The following DOCK5 variants were observed in gnomAD, a reference collection of about 807,000 sequenced individuals.
DOCK5 encodes dedicator of cytokinesis protein 5.
In DOCK5, 142 loss-of-function variants were observed where a neutral mutation model predicts 251.8. The observed-to-expected ratio is 0.56, with a 90% CI of 0.49 to 0.65. DOCK5 has a LOEUF of 0.65. DOCK5 is among the 30% of genes least tolerant of loss of function. DOCK5 has a pLI of 0.00. For missense variants in DOCK5, 2,111 were observed against 2,312.3 expected (o/e 0.91, Z 1.79); for synonymous variants, 842 against 835.5 (o/e 1.01, Z -0.13).
In DOCK5 at chr8:25,340,963, C is replaced by T; in HGVS notation, c.2414C>T (p.Pro805Leu). The stretch of plus-strand genomic sequence containing the variant: ...GCTTTCAATATGCTGATGGACAGGC[C>T]TCTGGAGGAAGCCGTCAAGATCAAG... The part of the protein sequence containing the change: ...FLAFNMLMDR[P>L]LEEAVKIKGA... The change falls in exon 23 of 52, where the codon CCT becomes CTT. Residue 805 changes from proline (P) to leucine (L), a missense_variant. By Grantham distance (98) the Pro-to-Leu change is moderately conservative (BLOSUM62 -3). This residue lies in a region of DOCK5 where 1,717 missense variants were observed against 1,892.4 expected (regional missense o/e 0.91). Transcript: ENST00000276440. 4 of 1,612,804 alleles carry T rather than the reference C, an allele frequency of 2.5e-6. No homozygotes were observed. The highest frequency in any genetic ancestry group is 3.4e-6 in the Non-Finnish European group (4 of 1,179,414).
intron 1 of DOCK5, among the ~76,000 whole-genome samples, chr8:25,209,099 G>A (rs1164947228): frequency 2.6e-5 from 4 of 152,186 alleles, no homozygotes; most frequent in Non-Finnish European, 5.9e-5. Context: ...AGGGCATCTG[G>A]TGAGGGAGGG....
intron 1 of DOCK5, among the ~76,000 whole-genome samples, chr8:25,187,233 A>G (rs183025024): frequency 0.014 from 1,854 of 127,924 alleles, 39 homozygotes; most frequent in African/African-American, 0.058. Context: ...ATATATACGT[A>G]TATATATATA....
chr8:25,238,643 C>G (rs1802861086), intron 1 of DOCK5, among the ~76,000 whole-genome samples: 1 of 152,128 alleles, frequency 6.6e-6, no homozygotes, highest in African/African-American at 2.4e-5. Context: ...TGTGATAAAC[C>G]AAATGGATGG....
intron 22 of DOCK5, among the ~76,000 whole-genome samples, chr8:25,340,183 C>A (rs1805918376): frequency 6.6e-6 from 1 of 152,168 alleles, no homozygotes; most frequent in South Asian, 2.1e-4. Flanking sequence ...ACTTTGGGGA[C>A]TACATTGCAA....
At chr8:25,326,503 C>T (rs17053395) in intron 18 of DOCK5, among the ~76,000 whole-genome samples, 3,493 of 152,160 alleles carry the variant, frequency 0.023, 56 homozygotes, top group South Asian at 0.075. Context: ...AGGGCTAATC[C>T]GTATGTGCAA....
chr8:25,221,630 A>G (rs1802393590), intron 1 of DOCK5, among the ~76,000 whole-genome samples: 1 of 151,384 alleles, frequency 6.6e-6, no homozygotes, highest in Admixed American at 6.6e-5. Context: ...CTTAAATTCC[A>G]CTTCTGCTAC....
At chr8:25,242,611 A>G (rs1802984108) in intron 1 of DOCK5, among the ~76,000 whole-genome samples, 1 of 152,252 alleles carries the variant, frequency 6.6e-6, no homozygotes, top group South Asian at 2.1e-4. Context: ...CTATTCATAC[A>G]TAATTTTTGG....
chr8:25,264,976 A>G (rs1031155166), intron 2 of DOCK5, among the ~76,000 whole-genome samples: 4 of 152,060 alleles, frequency 2.6e-5, no homozygotes, highest in African/African-American at 9.7e-5. Context: ...ACACATTAGC[A>G]TCACCATCTC....
chr8:25,323,882 C>T lies in DOCK5; in HGVS notation c.1650C>T (p.Ala550=), dbSNP rs1257927220. 1 of 1,613,542 alleles carries T rather than the reference C, an allele frequency of 6.2e-7. No homozygotes were observed. Residue 550 remains alanine (A), a synonymous_variant, in exon 17 of 52, where the codon GCC becomes GCT. Transcript: ENST00000276440. The part of the protein sequence containing the change: ...RDKSERAFGV[A]FVKLMNPDGT... ...AATCGGAGCGAGCATTTGGGGTGGC[C>T]TTCGTGAAGCTGATGAACCCGGATG...
At chr8:25,260,350 G>A (rs11987401) in intron 2 of DOCK5, among the ~76,000 whole-genome samples, 26,328 of 149,326 alleles carry the variant, frequency 0.18, 2,628 homozygotes, top group Admixed American at 0.25. Flanking sequence ...CTGGGGTGCC[G>A]CCCACCCCCG....
intron 34 of DOCK5, among the ~76,000 whole-genome samples, chr8:25,370,424 A>T (rs1003748468): frequency 7.9e-5 from 12 of 152,226 alleles, no homozygotes; most frequent in Admixed American, 5.2e-4. Flanking sequence ...ATGATGTGCT[A>T]ACATAGCATC....
chr8:25,317,097 T>C lies in DOCK5; in HGVS notation c.1409T>C (p.Met470Thr), dbSNP rs1434738203. ...KKTPKNVEVTMSVHDEEGKLL... is the reference protein window; with the variant it reads ...KKTPKNVEVTTSVHDEEGKLL... ...ACGCCAAAGAATGTGGAGGTGACGA[T>C]GTCTGTGCACGATGAGGAGGGCAAG... The change falls in exon 14 of 52, where the codon ATG becomes ACG. Residue 470 changes from methionine (M) to threonine (T), a missense_variant. By Grantham distance (81) the Met-to-Thr change is moderately conservative (BLOSUM62 -1). Coordinates refer to ENST00000276440, the MANE Select transcript of DOCK5 (RefSeq NM_024940.8). 2 of 1,613,916 alleles carry C rather than the reference T, an allele frequency of 1.2e-6. No homozygotes were observed. Among genetic ancestry groups the C allele is most frequent in the Admixed American group, 1.7e-5 (1 of 60,016 alleles).
chr8:25,284,293 A>T (rs1707012049), intron 5 of DOCK5, among the ~76,000 whole-genome samples: 1 of 152,214 alleles, frequency 6.6e-6, no homozygotes, highest in Admixed American at 6.5e-5. Flanking sequence ...TGTGGTCAAT[A>T]CATGACAGCC....
intron 1 of DOCK5, among the ~76,000 whole-genome samples, chr8:25,190,233 C>G (rs1231925152): frequency 6.6e-6 from 1 of 152,124 alleles, no homozygotes; most frequent in African/African-American, 2.4e-5. Context: ...TTCCAAGTCA[C>G]TGTAGAAATA....
chr8:25,355,512 C>G (rs1011571033), intron 27 of DOCK5, among the ~76,000 whole-genome samples: 1 of 152,118 alleles, frequency 6.6e-6, no homozygotes, highest in East Asian at 1.9e-4. Context: ...TGCAGGGGTG[C>G]TATCTCGGCT....
chr8:25,332,441 C>A, intron 19 of DOCK5, 93 bp downstream of exon 19: 1 of 1,222,636 alleles, frequency 8.2e-7, no homozygotes, highest in Non-Finnish European at 1.1e-6. Context: ...AAAATTAAAT[C>A]ATTCATTGTA....
At chr8:25,325,744 C>T (rs1342315691) in intron 18 of DOCK5, among the ~76,000 whole-genome samples, 197 bp downstream of exon 18, 6 of 152,194 alleles carry the variant, frequency 3.9e-5, no homozygotes, top group Non-Finnish European at 7.3e-5. Context: ...TCTGAAGTTT[C>T]ATCGTCCACT....
intron 1 of DOCK5, among the ~76,000 whole-genome samples, chr8:25,220,336 A>C (rs1173915472): frequency 6.6e-6 from 1 of 152,158 alleles, no homozygotes; most frequent in Non-Finnish European, 1.5e-5. Flanking sequence ...ATGGCTAGGC[A>C]TGTTGACGGG....
chr8:25,221,655 A>G (rs1456662290), intron 1 of DOCK5, among the ~76,000 whole-genome samples: 1 of 150,638 alleles, frequency 6.6e-6, no homozygotes, highest in East Asian at 1.9e-4. Flanking sequence ...CATCATCATC[A>G]TCTCCATCAC....
Sources: gnomAD v4.1 joint callset for allele counts (sites outside exome capture counted in the v4.1 genomes callset) on GRCh38, gnomAD v4.1.1 for gene constraint, gnomAD v4.1.1 regional missense constraint, MANE v1.5 for transcripts, NCBI Gene and HGNC (gene_info 2026-07-23, HGNC 2026-07-21) for gene names.